RPS6KC1: variants seen among roughly 807,000 people sequenced by gnomAD.
RPS6KC1 encodes the protein ribosomal protein S6 kinase C1, also known as inactive ribosomal protein S6 kinase delta-1.
A neutral mutation model predicts 103.8 loss-of-function variants in RPS6KC1; 54 were observed. That is an observed-to-expected ratio of 0.52 (90% confidence interval 0.42 to 0.65). The LOEUF (loss-of-function observed/expected upper bound fraction) is 0.65, where lower values mean the gene tolerates loss of function less well. Ranked by LOEUF, RPS6KC1 falls within the 30% of genes least tolerant of loss-of-function variation. The pLI, the probability that RPS6KC1 is intolerant of heterozygous loss-of-function variation, is 0.00. For missense variants in RPS6KC1, 1,151 were observed against 1,253.8 expected, an observed-to-expected ratio of 0.92 and a Z score of 1.24; for synonymous variants, 439 against 438.7, an observed-to-expected ratio of 1.00 and a Z score of -0.01.
chr1:213,518,065 G>A, the RPS6KC1 span, among the ~76,000 whole-genome samples: 1 of 152,100 alleles, frequency 6.6e-6, no homozygotes, highest in African/African-American at 2.4e-5. Flanking sequence ...AGAAAGGCAT[G>A]TATTTATTTA....
chr1:213,750,140 G>T, the RPS6KC1 span, among the ~76,000 whole-genome samples: 2 of 152,198 alleles, frequency 1.3e-5, no homozygotes, highest in Non-Finnish European at 2.9e-5. Flanking sequence ...TTGTTCGGGG[G>T]TTAGGGACAA....
chr1:213,563,336 A>G, the RPS6KC1 span, among the ~76,000 whole-genome samples: 1 of 151,744 alleles, frequency 6.6e-6, no homozygotes, highest in Admixed American at 6.6e-5. Flanking sequence ...TTAATATTTT[A>G]TGCTGCTATA....
the RPS6KC1 span, among the ~76,000 whole-genome samples, chr1:213,666,052 T>C: frequency 1.3e-5 from 2 of 152,208 alleles, no homozygotes; most frequent in African/African-American, 4.8e-5. Context: ...ATAGGAATGT[T>C]AGCCATGACC....
At chr1:213,462,176 A>G in the RPS6KC1 span, among the ~76,000 whole-genome samples, 2 of 152,244 alleles carry the variant, frequency 1.3e-5, no homozygotes, top group Admixed American at 6.5e-5. Flanking sequence ...ATCACTTGTC[A>G]TTAGAAAAAT....
chr1:213,694,126 G>C, the RPS6KC1 span, among the ~76,000 whole-genome samples: 1 of 152,218 alleles, frequency 6.6e-6, no homozygotes, highest in Non-Finnish European at 1.5e-5. Flanking sequence ...GAAAGGCTGG[G>C]ATCGGGATTA....
chr1:213,443,969 G>A, the RPS6KC1 span, among the ~76,000 whole-genome samples: 7 of 152,102 alleles, frequency 4.6e-5, no homozygotes, highest in African/African-American at 7.2e-5. Context: ...TATCACAAAC[G>A]AGTGGCTTAA....
chr1:213,633,756 T>C, the RPS6KC1 span, among the ~76,000 whole-genome samples: 1 of 150,554 alleles, frequency 6.6e-6, no homozygotes, highest in Non-Finnish European at 1.5e-5. Flanking sequence ...TACTGGCAAA[T>C]TGGATAAAGC....
At chr1:213,569,336 G>A in the RPS6KC1 span, among the ~76,000 whole-genome samples, 2 of 152,092 alleles carry the variant, frequency 1.3e-5, no homozygotes, top group African/African-American at 4.8e-5. Context: ...TGTAAATGTT[G>A]TTTCAATATT....
chr1:213,814,112 C>CT, the RPS6KC1 span, among the ~76,000 whole-genome samples: 3 of 152,206 alleles, frequency 2.0e-5, no homozygotes, highest in Admixed American at 2.0e-4. Context: ...CAAGGAAAAC[C>CT]AGACAGCAGA....
At chr1:213,514,918 A>G in the RPS6KC1 span, among the ~76,000 whole-genome samples, 3 of 152,176 alleles carry the variant, frequency 2.0e-5, no homozygotes, top group Admixed American at 2.0e-4. Context: ...AATGATCGCC[A>G]TTCTAACTGG....
chr1:213,255,203 G>C (rs2094614184), intron 12 of RPS6KC1, among the ~76,000 whole-genome samples: 2 of 151,836 alleles, frequency 1.3e-5, no homozygotes, highest in Admixed American at 1.3e-4. Flanking sequence ...ACCCATGCCT[G>C]TGGTCCCAGC....
intron 8 of RPS6KC1, among the ~76,000 whole-genome samples, chr1:213,218,444 C>G (rs2093730395): frequency 6.6e-6 from 1 of 151,762 alleles, no homozygotes; most frequent in South Asian, 2.1e-4. Context: ...GGCCATACTG[C>G]CCAAGGTAAT....
chr1:213,092,651 G>A (rs1266953711), intron 3 of RPS6KC1, among the ~76,000 whole-genome samples: 1 of 146,818 alleles, frequency 6.8e-6, no homozygotes, highest in African/African-American at 2.5e-5. Flanking sequence ...CAGCCTGGGT[G>A]ACAGAGCAAG....
the RPS6KC1 span, among the ~76,000 whole-genome samples, chr1:213,856,097 T>C: frequency 2.6e-5 from 4 of 152,172 alleles, no homozygotes; most frequent in Non-Finnish European, 5.9e-5. Flanking sequence ...AAGCTTTCCC[T>C]TGGGGCCTGG....
At chr1:213,156,726 G>A (rs1350011680) in intron 6 of RPS6KC1, among the ~76,000 whole-genome samples, 3 of 152,162 alleles carry the variant, frequency 2.0e-5, no homozygotes, top group Admixed American at 2.0e-4. Context: ...CCTGTCAACT[G>A]AGATTTCTAT....
the RPS6KC1 span, among the ~76,000 whole-genome samples, chr1:213,718,122 T>C: frequency 6.6e-6 from 1 of 152,370 alleles, no homozygotes; most frequent in African/African-American, 2.4e-5. Context: ...TTCAACAAGC[T>C]GAGCAAATTA....
At chr1:213,553,065 A>T in the RPS6KC1 span, among the ~76,000 whole-genome samples, 1 of 151,656 alleles carries the variant, frequency 6.6e-6, no homozygotes, top group Non-Finnish European at 1.5e-5. Context: ...ACATGGGTAA[A>T]TTGTGTGTTG....
At chr1:213,285,972 A>G in the RPS6KC1 span, among the ~76,000 whole-genome samples, 1 of 152,226 alleles carries the variant, frequency 6.6e-6, no homozygotes, top group Non-Finnish European at 1.5e-5. Flanking sequence ...AACTGTAAGC[A>G]AAAGAATTAA....
chr1:213,526,739 A>AT, the RPS6KC1 span, among the ~76,000 whole-genome samples: 5 of 152,186 alleles, frequency 3.3e-5, no homozygotes, highest in Non-Finnish European at 7.3e-5. Flanking sequence ...AATCTACCTC[A>AT]TAGGACAGTT....
Sources: allele counts gnomAD v4.1 joint callset (sites outside exome capture counted in the v4.1 genomes callset), GRCh38; gene constraint gnomAD v4.1.1; transcripts MANE v1.5; gene names NCBI Gene and HGNC (gene_info 2026-07-23, HGNC 2026-07-21).